SPIDR: variants seen among roughly 807,000 people sequenced by gnomAD.
The protein encoded by SPIDR is scaffold protein involved in DNA repair.
A neutral mutation model predicts 104.6 loss-of-function variants in SPIDR; 93 were observed. The ratio of observed to expected loss-of-function variants is 0.89; its 90% CI spans 0.75 to 1.06. The LOEUF (loss-of-function observed/expected upper bound fraction) is 1.06, where lower values mean the gene tolerates loss of function less well. Ranked by LOEUF, SPIDR falls within the 50% of genes least tolerant of loss-of-function variation. SPIDR has a pLI of 0.00. For missense variants in SPIDR, 1,154 were observed against 1,111.2 expected, an observed-to-expected ratio of 1.04 and a Z score of -0.55; for synonymous variants, 431 against 416.9, an observed-to-expected ratio of 1.03 and a Z score of -0.41.
chr8:47,375,349 C>T (rs980623607), intron 5 of SPIDR, among the ~76,000 whole-genome samples: 2 of 136,092 alleles, frequency 1.5e-5, no homozygotes, highest in Non-Finnish European at 3.1e-5. Flanking sequence ...TCAAGCAGTT[C>T]TCCTGCTTCA....
At chr8:47,580,572 A>G (rs528583595) in intron 8 of SPIDR, among the ~76,000 whole-genome samples, 2 of 152,054 alleles carry the variant, frequency 1.3e-5, no homozygotes, top group South Asian at 4.1e-4. Flanking sequence ...AAAAACCTAT[A>G]CGTCCTCTCC....
intron 8 of SPIDR, chr8:47,547,042 T>C: frequency 2.0e-6 from 1 of 507,008 alleles, no homozygotes; most frequent in Non-Finnish European, 3.9e-6. Context: ...GCACCTCCAG[T>C]CACCATCCAC....
At chr8:47,596,070 G>A (rs2154423286) in intron 9 of SPIDR, 64 bp downstream of exon 9, 1 of 1,452,232 alleles carries the variant, frequency 6.9e-7, no homozygotes, top group East Asian at 2.3e-5. Flanking sequence ...ATTTGGAAGG[G>A]CTTCAGTGTA....
intron 7 of SPIDR, among the ~76,000 whole-genome samples, chr8:47,432,127 G>A (rs2067469561): frequency 6.6e-6 from 1 of 152,128 alleles, no homozygotes; most frequent in South Asian, 2.1e-4. Context: ...GAATACTTAT[G>A]GGAGCATATC....
rs997477907 is a variant in SPIDR, at chr8:47,546,923, T to G, written c.1098-48888T>G. 2.4e-5 allele frequency: 11 copies of G among 461,240 alleles called. 1 individual carries two copies. The highest frequency in any genetic ancestry group is 2.0e-4 in the African/African-American group (10 of 49,250). The allele number at this position is 461,240 out of a possible 1,614,324, so 28.6% of individuals were successfully genotyped here. On this transcript the variant is annotated intron_variant, in intron 8 of 19. Coordinates refer to ENST00000297423, the MANE Select transcript of SPIDR (RefSeq NM_001080394.4). ...TTGCCCTTGCCAGTAACAAAAACGT[T>G]GGAAAGCCAGGTGGCAAAGCTGTTC...
At chr8:47,293,229 C>T (rs940438502) in intron 4 of SPIDR, among the ~76,000 whole-genome samples, 20 of 151,844 alleles carry the variant, frequency 1.3e-4, no homozygotes, top group African/African-American at 4.1e-4. Flanking sequence ...TGGGCTCGAG[C>T]GATCCTACTA....
At chr8:47,489,170 C>G (rs2078228766) in intron 8 of SPIDR, among the ~76,000 whole-genome samples, 1 of 152,202 alleles carries the variant, frequency 6.6e-6, no homozygotes, top group Non-Finnish European at 1.5e-5. Flanking sequence ...GATACAAAAT[C>G]AATGTGCAAA....
chr8:47,732,062 C>A, intron 19 of SPIDR: 1 of 688,396 alleles, frequency 1.5e-6, no homozygotes, highest in South Asian at 1.5e-5. Flanking sequence ...CATCCCTGGT[C>A]ACCATCCAGG....
Position 47,733,116 on chromosome 8 carries a change from G to A in SPIDR, c.2605-2191G>A, listed in dbSNP as rs752717234. ...ATAAAAGATTTATTACTTGGACACA[G>A]TGGCTGATGCCTGTAATCCCAGCAC... On this transcript the variant is annotated intron_variant, in intron 19 of 19. Coordinates refer to ENST00000297423, the MANE Select transcript of SPIDR (RefSeq NM_001080394.4). Among the ~76,000 whole-genome samples the A allele has an allele frequency of 5.3e-5, 8 of 152,252 alleles. No homozygotes were observed. In the South Asian group the frequency reaches 1.7e-3, roughly 31 times the overall value.
intron 10 of SPIDR, among the ~76,000 whole-genome samples, chr8:47,655,497 G>C (rs997575202): frequency 6.6e-6 from 1 of 152,156 alleles, no homozygotes; most frequent in African/African-American, 2.4e-5. Flanking sequence ...ATTTTTTCAT[G>C]TGTCTTTTGG....
intron 8 of SPIDR, among the ~76,000 whole-genome samples, chr8:47,592,963 C>G (rs1444297425): frequency 1.3e-5 from 2 of 151,904 alleles, no homozygotes; most frequent in Non-Finnish European, 2.9e-5. Context: ...CTTGGCTCAC[C>G]ACAACCTCCA....
At chr8:47,479,859 A>G (rs2154361154) in intron 8 of SPIDR, among the ~76,000 whole-genome samples, 1 of 152,336 alleles carries the variant, frequency 6.6e-6, no homozygotes, top group South Asian at 2.1e-4. Context: ...AGGAACACTA[A>G]CAGTTCAAGT....
chr8:47,583,779 C>T (rs1323439628), intron 8 of SPIDR, among the ~76,000 whole-genome samples: 2 of 152,222 alleles, frequency 1.3e-5, no homozygotes, highest in African/African-American at 2.4e-5. Flanking sequence ...TGTCCCTGGG[C>T]AGTGCCCATG....
At position 47,486,511 on chromosome 8, in the gene SPIDR, T is replaced by A. The variant is rs141657143; in HGVS notation, c.1097+45969T>A. ...CAGGAAATAGAGAACGCCACAAAGA[T>A]ACTCCTCGAGAAGAGCAACTCCAAG... is the stretch of plus-strand genomic sequence containing the variant. On this transcript the variant is annotated intron_variant, in intron 8 of 19. Coordinates refer to ENST00000297423, the MANE Select transcript of SPIDR (RefSeq NM_001080394.4). Among the ~76,000 whole-genome samples, 3 of 152,192 alleles carry A rather than the reference T, an allele frequency of 2.0e-5. No homozygotes were observed. The South Asian group carries it at 6.2e-4, about 32-fold the overall frequency.
chr8:47,520,886 AAAGACTTTTCC>A (rs2154380300), intron 8 of SPIDR, among the ~76,000 whole-genome samples: 1 of 152,332 alleles, frequency 6.6e-6, no homozygotes, highest in African/African-American at 2.4e-5. Flanking sequence ...GATGAGGCTC[AAAGACTTTTCC>A]AGGGATATGG....
rs568353512 is a variant in SPIDR at position 47,632,184 on chromosome 8, CAT to C, written c.1544+32989_1544+32990del. Reference sequence around the variant, plus strand: ...TATTTACGTTTTAATTTAATCACGACATGTGCTGTACTGTGGTTCACCCTACT... The same window carrying C: ...TATTTACGTTTTAATTTAATCACGACGTGCTGTACTGTGGTTCACCCTACT... On this transcript the variant is annotated intron_variant, in intron 10 of 19. Transcript: ENST00000297423. Among the ~76,000 whole-genome samples the C allele has an allele frequency of 1.4e-4, 21 of 152,312 alleles. No homozygotes were observed. The South Asian group carries it at 3.9e-3, about 29-fold the overall frequency.
At chr8:47,440,926 A>G (rs1317422734) in intron 8 of SPIDR, among the ~76,000 whole-genome samples, 3 of 152,220 alleles carry the variant, frequency 2.0e-5, no homozygotes, top group Non-Finnish European at 4.4e-5. Flanking sequence ...GGGAGGATAA[A>G]AAGCATGAAT....
chr8:47,503,265 G>A (rs1469253896), intron 8 of SPIDR, among the ~76,000 whole-genome samples: 2 of 152,108 alleles, frequency 1.3e-5, no homozygotes, highest in East Asian at 1.9e-4. Flanking sequence ...TTACTGTGTG[G>A]GAGTCTAAGT....
chr8:47,680,055 G>C (rs1589128435), intron 11 of SPIDR, among the ~76,000 whole-genome samples: 1 of 151,980 alleles, frequency 6.6e-6, no homozygotes, highest in East Asian at 1.9e-4. Flanking sequence ...AGGTGACAGA[G>C]TCTGTGTGCG....
Sources: gnomAD v4.1 joint callset for allele counts (sites outside exome capture counted in the v4.1 genomes callset) on GRCh38, gnomAD v4.1.1 for gene constraint, MANE v1.5 for transcripts, NCBI Gene and HGNC (gene_info 2026-07-23, HGNC 2026-07-21) for gene names.